The following CDIN1 variants were observed in gnomAD, a reference collection of about 807,000 sequenced individuals.
CDIN1 encodes CDAN1 interacting nuclease 1, also known as CDAN1-interacting nuclease 1.
In CDIN1, 33 loss-of-function variants were observed where a neutral mutation model predicts 45.3. That is an observed-to-expected ratio of 0.73 (90% CI 0.55 to 0.97). CDIN1 has a LOEUF of 0.97. Among genes scored for constraint, CDIN1 ranks in the 50% least tolerant of loss-of-function variants. The pLI, the probability that CDIN1 is intolerant of heterozygous loss-of-function variation, is 0.00. For missense variants in CDIN1, 303 were observed against 339.4 expected, an observed-to-expected ratio of 0.89 and a Z score of 0.84; for synonymous variants, 118 against 124.4, an observed-to-expected ratio of 0.95 and a Z score of 0.34.
chr15:36,605,395 T>G (rs1006301474), intron 1 of CDIN1, among the ~76,000 whole-genome samples: 3 of 152,174 alleles, frequency 2.0e-5, no homozygotes, highest in Non-Finnish European at 4.4e-5. Flanking sequence ...ATTCTCTCTG[T>G]TCTTTGTAGA....
intron 3 of CDIN1, among the ~76,000 whole-genome samples, chr15:36,649,650 CTGAG>C (rs2040493670): frequency 6.6e-6 from 1 of 152,184 alleles, no homozygotes. Flanking sequence ...AACCCTGTCA[CTGAG>C]TGTCTTCTCT....
chr15:36,668,857 A>G (rs1477573312), intron 5 of CDIN1: 1 of 152,084 alleles, frequency 6.6e-6, no homozygotes, highest in Non-Finnish European at 1.5e-5. Context: ...TTACCTTTCA[A>G]AGTTAAACAG....
At chr15:36,750,529 C>T (rs1199340667) in intron 10 of CDIN1, among the ~76,000 whole-genome samples, 1 of 152,224 alleles carries the variant, frequency 6.6e-6, no homozygotes, top group East Asian at 1.9e-4. Context: ...TTCCTTCCCT[C>T]AAGGTGCTTA....
At chr15:36,796,996 A>G (rs2054821666) in intron 10 of CDIN1, among the ~76,000 whole-genome samples, 1 of 152,262 alleles carries the variant, frequency 6.6e-6, no homozygotes, top group East Asian at 1.9e-4. Context: ...ACCGACATAC[A>G]GAAACTGTAA....
intron 1 of CDIN1, among the ~76,000 whole-genome samples, chr15:36,608,298 A>G (rs1566829420): frequency 1.3e-5 from 2 of 152,226 alleles, no homozygotes. Flanking sequence ...ATAGGAATGT[A>G]TGAGGGTTTT....
chr15:36,723,938 CATA>C (rs1205525278), intron 10 of CDIN1, among the ~76,000 whole-genome samples: 2 of 152,228 alleles, frequency 1.3e-5, no homozygotes, highest in Admixed American at 1.3e-4. Context: ...GTACATAGAT[CATA>C]ATAATAGCTA....
chr15:36,594,183 G>T (rs2037711946), intron 1 of CDIN1, among the ~76,000 whole-genome samples: 1 of 152,006 alleles, frequency 6.6e-6, no homozygotes, highest in Admixed American at 6.6e-5. Context: ...TCAAAGAGAG[G>T]GTTTCAGGTT....
At chr15:36,657,349 G>A (rs2040819847) in intron 4 of CDIN1, among the ~76,000 whole-genome samples, 1 of 152,028 alleles carries the variant, frequency 6.6e-6, no homozygotes, top group South Asian at 2.1e-4. Context: ...GATAAAATCA[G>A]TAAAATCCTT....
chr15:36,609,221 A>T (rs1250232831), intron 1 of CDIN1, among the ~76,000 whole-genome samples: 2 of 152,120 alleles, frequency 1.3e-5, no homozygotes, highest in East Asian at 3.9e-4. Flanking sequence ...TCCCTTTGTT[A>T]TCCAGGCTGG....
chr15:36,788,249 T>C (rs2054557478), intron 10 of CDIN1, among the ~76,000 whole-genome samples: 1 of 151,068 alleles, frequency 6.6e-6, no homozygotes, highest in South Asian at 2.1e-4. Context: ...CCCGAGTAGC[T>C]GGGATGACAG....
intron 10 of CDIN1, among the ~76,000 whole-genome samples, chr15:36,748,788 A>G (rs1167683110): frequency 6.6e-6 from 1 of 152,168 alleles, no homozygotes; most frequent in Non-Finnish European, 1.5e-5. Context: ...CAGTTTTTTA[A>G]AAACATCACC....
At chr15:36,696,221 A>G (rs2042419939) in intron 7 of CDIN1, among the ~76,000 whole-genome samples, 1 of 152,238 alleles carries the variant, frequency 6.6e-6, no homozygotes. Context: ...ATGTATATCT[A>G]TTTAGATACA....
intron 10 of CDIN1, among the ~76,000 whole-genome samples, chr15:36,717,750 C>A (rs1348045101): frequency 6.6e-6 from 1 of 152,050 alleles, no homozygotes; most frequent in Non-Finnish European, 1.5e-5. Context: ...TACAAAATGA[C>A]TAAACTCTTT....
At chr15:36,740,782 T>C (rs1595542388) in intron 10 of CDIN1, among the ~76,000 whole-genome samples, 2 of 151,400 alleles carry the variant, frequency 1.3e-5, no homozygotes, top group South Asian at 4.2e-4. Context: ...CCGGTTATTC[T>C]GGAGGCTGAG....
intron 5 of CDIN1, among the ~76,000 whole-genome samples, chr15:36,683,126 T>C (rs1416614525): frequency 6.6e-6 from 1 of 152,234 alleles, no homozygotes; most frequent in Non-Finnish European, 1.5e-5. Context: ...TTAAACATTC[T>C]TTGAGAGAAC....
chr15:36,586,689 A>G (rs550005914), intron 1 of CDIN1, among the ~76,000 whole-genome samples: 1 of 152,344 alleles, frequency 6.6e-6, no homozygotes, highest in South Asian at 2.1e-4. Context: ...GTTACAGTGC[A>G]TTATAATTGT....
chr15:36,722,001 C>T (rs969736874), intron 10 of CDIN1, among the ~76,000 whole-genome samples: 2 of 152,088 alleles, frequency 1.3e-5, no homozygotes, highest in Admixed American at 1.3e-4. Context: ...TCCCATCACT[C>T]TGGGATTACT....
chr15:36,692,205 C>G (rs775453932), intron 7 of CDIN1, 30 bp downstream of exon 7: 1 of 1,605,638 alleles, frequency 6.2e-7, no homozygotes, highest in Non-Finnish European at 8.5e-7. Flanking sequence ...TTTAGGTGCG[C>G]AATTGACGAG....
chr15:36,808,951 G>A lies in CDIN1; in HGVS notation c.*498G>A. The A allele has an allele frequency of 2.2e-6, 1 of 455,870 alleles. No homozygotes were observed. The highest frequency in any genetic ancestry group is 4.4e-6 in the Non-Finnish European group (1 of 226,720). The allele number at this position is 455,870 out of a possible 1,614,324, so 28.2% of individuals were successfully genotyped here. Reference sequence around the variant, plus strand: ...CGTGGAATAATCTAGCGCAAACCTAGGAAAGCTGAAGCCACAAAGTCCAAA... The same window carrying A: ...CGTGGAATAATCTAGCGCAAACCTAAGAAAGCTGAAGCCACAAAGTCCAAA... On this transcript the variant is annotated 3_prime_UTR_variant, in exon 11 of 11. Coordinates refer to ENST00000566621, the MANE Select transcript of CDIN1 (RefSeq NM_001321759.2).
Sources: allele counts gnomAD v4.1 joint callset (sites outside exome capture counted in the v4.1 genomes callset), GRCh38; gene constraint gnomAD v4.1.1; transcripts MANE v1.5; gene names NCBI Gene and HGNC (gene_info 2026-07-23, HGNC 2026-07-21).